The following PRR16 variants were observed in gnomAD, a reference collection of about 807,000 sequenced individuals.
The protein encoded by PRR16 is proline rich 16, also known as protein Largen.
Under a neutral mutation model 18.2 loss-of-function variants are expected in PRR16, and 6 were observed. That is an observed-to-expected ratio of 0.33 (90% CI 0.18 to 0.65). The LOEUF is 0.65. PRR16 is among the 30% of genes least tolerant of loss of function. The pLI, the probability that PRR16 is intolerant of heterozygous loss-of-function variation, is 0.74. For missense variants in PRR16, 412 were observed against 376.6 expected, an observed-to-expected ratio of 1.09 and a Z score of -0.78; for synonymous variants, 151 against 147.8, an observed-to-expected ratio of 1.02 and a Z score of -0.16.
chr5:120,555,264 T>C (rs1033891279), intron 1 of PRR16, among the ~76,000 whole-genome samples: 4 of 151,978 alleles, frequency 2.6e-5, no homozygotes, highest in African/African-American at 9.7e-5. Context: ...ATATAAGATT[T>C]ATTTGAAAAG....
chr5:120,477,036 T>G (rs1339097474), intron 1 of PRR16, among the ~76,000 whole-genome samples: 1 of 152,170 alleles, frequency 6.6e-6, no homozygotes, highest in African/African-American at 2.4e-5. Context: ...TCACTTAGCT[T>G]GAAGAATTAC....
At chr5:120,596,463 ACTTTCGTT>A (rs776892286) in intron 1 of PRR16, among the ~76,000 whole-genome samples, 8 of 151,522 alleles carry the variant, frequency 5.3e-5, no homozygotes, top group Non-Finnish European at 8.9e-5. Context: ...CCATTTAATT[ACTTTCGTT>A]TTTCTTCTTT....
chr5:120,558,737 T>C (rs1161525968), intron 1 of PRR16, among the ~76,000 whole-genome samples: 1 of 152,018 alleles, frequency 6.6e-6, no homozygotes, highest in Non-Finnish European at 1.5e-5. Flanking sequence ...TTCTCCATGG[T>C]GGTCATACTA....
the PRR16 span, among the ~76,000 whole-genome samples, chr5:120,761,268 T>C: frequency 5.3e-5 from 8 of 152,140 alleles, no homozygotes; most frequent in Admixed American, 3.3e-4. Context: ...GTTTAACTCA[T>C]ACATTTCTCA....
chr5:120,646,048 T>TATATATATATATATATA (rs1755584808), intron 1 of PRR16, among the ~76,000 whole-genome samples: 53 of 104,978 alleles, frequency 5.0e-4, no homozygotes, highest in Admixed American at 1.9e-3. Context: ...AATACATATT[T>TATATATATATATATATA]TATATATATA....
intron 1 of PRR16, among the ~76,000 whole-genome samples, chr5:120,551,390 G>A (rs143423905): frequency 1.3e-5 from 2 of 152,008 alleles, no homozygotes; most frequent in African/African-American, 4.8e-5. Flanking sequence ...TAAAATGCCG[G>A]CTCTTTCGCT....
At chr5:120,657,070 A>G (rs530232719) in intron 1 of PRR16, among the ~76,000 whole-genome samples, 1 of 152,112 alleles carries the variant, frequency 6.6e-6, no homozygotes, top group Non-Finnish European at 1.5e-5. Flanking sequence ...ATTTTTATAT[A>G]TGGAAAAATC....
At chr5:120,735,463 T>A in the PRR16 span, among the ~76,000 whole-genome samples, 1 of 152,210 alleles carries the variant, frequency 6.6e-6, no homozygotes, top group South Asian at 2.1e-4. Flanking sequence ...TTTCTTTACA[T>A]CCTTACCCAT....
At chr5:120,552,389 A>G (rs1023130309) in intron 1 of PRR16, among the ~76,000 whole-genome samples, 1 of 151,940 alleles carries the variant, frequency 6.6e-6, no homozygotes, top group Admixed American at 6.6e-5. Context: ...AGTCAAAACA[A>G]TAAGGTGTAC....
At chr5:120,581,694 G>A (rs1753277975) in intron 1 of PRR16, among the ~76,000 whole-genome samples, 1 of 152,096 alleles carries the variant, frequency 6.6e-6, no homozygotes, top group Admixed American at 6.5e-5. Flanking sequence ...CTTTAGCTGA[G>A]TCCCAGAGAT....
At chr5:120,480,445 T>G (rs903526830) in intron 1 of PRR16, among the ~76,000 whole-genome samples, 13 of 152,174 alleles carry the variant, frequency 8.5e-5, no homozygotes, top group African/African-American at 2.9e-4. Context: ...GGGAGGGGGA[T>G]AGTTACCAAG....
chr5:120,777,433 T>C, the PRR16 span, among the ~76,000 whole-genome samples: 2 of 152,126 alleles, frequency 1.3e-5, no homozygotes, highest in South Asian at 4.1e-4. Context: ...TCAAATTTGG[T>C]ATTTTTTAGC....
chr5:120,504,415 AT>A (rs1750572608), intron 1 of PRR16, among the ~76,000 whole-genome samples: 1 of 152,236 alleles, frequency 6.6e-6, no homozygotes, highest in Admixed American at 6.5e-5. Flanking sequence ...TTTCTTAAAC[AT>A]GGAGCTGATA....
At chr5:120,612,372 GA>G (rs1254283922) in intron 1 of PRR16, among the ~76,000 whole-genome samples, 1 of 152,112 alleles carries the variant, frequency 6.6e-6, no homozygotes, top group Non-Finnish European at 1.5e-5. Flanking sequence ...GCCAGGGGTG[GA>G]ATGATATGGT....
intron 1 of PRR16, among the ~76,000 whole-genome samples, chr5:120,570,617 T>C (rs1345823115): frequency 6.6e-6 from 1 of 152,126 alleles, no homozygotes; most frequent in Non-Finnish European, 1.5e-5. Context: ...TTATTGTAGC[T>C]CTACTCATAA....
At chr5:120,615,384 C>CTTTTTTTTT (rs10717083) in intron 1 of PRR16, among the ~76,000 whole-genome samples, 17 of 119,232 alleles carry the variant, frequency 1.4e-4, no homozygotes, top group South Asian at 5.4e-4. Context: ...TCTTTCTTTT[C>CTTTTTTTTT]TTTTTTTTTT....
intron 1 of PRR16, among the ~76,000 whole-genome samples, chr5:120,636,913 G>A (rs1386622445): frequency 6.6e-6 from 1 of 151,912 alleles, no homozygotes; most frequent in African/African-American, 2.4e-5. Flanking sequence ...CTAAAATCCA[G>A]AATCTGCAAA....
At chr5:120,747,458 T>C in the PRR16 span, among the ~76,000 whole-genome samples, 16 of 152,298 alleles carry the variant, frequency 1.1e-4, no homozygotes, top group African/African-American at 3.8e-4. Flanking sequence ...TGTAGAAAGC[T>C]TCATCCTTTA....
chr5:120,492,310 A>C (rs1294461213), intron 1 of PRR16, among the ~76,000 whole-genome samples: 1 of 149,670 alleles, frequency 6.7e-6, no homozygotes, highest in East Asian at 2.0e-4. Flanking sequence ...GGAGAGACAC[A>C]AGGTCTCCTT....
Sources: gnomAD v4.1 joint callset for allele counts (sites outside exome capture counted in the v4.1 genomes callset) on GRCh38, gnomAD v4.1.1 for gene constraint, MANE v1.5 for transcripts, NCBI Gene and HGNC (gene_info 2026-07-23, HGNC 2026-07-21) for gene names.